Variants in DGKB observed in about 807,000 individuals in gnomAD.
The protein encoded by DGKB is diacylglycerol kinase beta.
DGKB carries 67 observed loss-of-function variants against 114.3 expected under a neutral mutation model. The observed-to-expected ratio is 0.59, with a 90% CI of 0.48 to 0.72. DGKB has a LOEUF of 0.72. Among genes scored for constraint, DGKB ranks in the 30% least tolerant of loss-of-function variants. The probability of loss-of-function intolerance (pLI) is 0.00; values close to 1 mark genes in which losing one functional copy is unlikely to be tolerated. For synonymous variants in DGKB, 398 were observed against 323.1 expected, an observed-to-expected ratio of 1.23 and a Z score of -2.49; for missense variants, 907 against 975.2, an observed-to-expected ratio of 0.93 and a Z score of 0.93.
rs184434073 is a variant in DGKB at position 14,205,308 on chromosome 7, C to T, written c.2123-27157G>A. ...TCCTCAAAACTCTTCCAGGGAGCAG[C>T]TATGGTTCTACATTGTTCTTGAGAC... On this transcript the variant is annotated intron_variant, in intron 23 of 25. Coordinates refer to ENST00000402815, the MANE Select transcript of DGKB (RefSeq NM_001350709.2). Among the ~76,000 whole-genome samples the T allele has an allele frequency of 1.3e-4, 19 of 151,960 alleles. No individual in the cohort carries two copies. In the East Asian group the frequency reaches 3.7e-3, roughly 30 times the overall value.
At chr7:14,546,840 G>T (rs573786063) in intron 20 of DGKB, among the ~76,000 whole-genome samples, 2 of 152,256 alleles carry the variant, frequency 1.3e-5, no homozygotes, top group South Asian at 4.1e-4. Context: ...AGTGAATATA[G>T]TCTCATTTCA....
chr7:14,697,078 T>A (rs1321676921), intron 8 of DGKB, among the ~76,000 whole-genome samples: 1 of 152,208 alleles, frequency 6.6e-6, no homozygotes, highest in Non-Finnish European at 1.5e-5. Flanking sequence ...CTTATCAACT[T>A]TCCCCAAAAT....
chr7:14,405,484 T>C (rs1413086095), intron 21 of DGKB, among the ~76,000 whole-genome samples: 4 of 152,074 alleles, frequency 2.6e-5, no homozygotes, highest in Admixed American at 2.6e-4. Context: ...TTAAATGAGA[T>C]AGGCTTCTTA....
chr7:14,639,941 G>C (rs1811431940), intron 13 of DGKB, among the ~76,000 whole-genome samples: 1 of 152,140 alleles, frequency 6.6e-6, no homozygotes, highest in Non-Finnish European at 1.5e-5. Context: ...GGGTTGAGAA[G>C]GAAGAGAGGA....
intron 1 of DGKB, among the ~76,000 whole-genome samples, chr7:14,930,123 T>C (rs1264378182): frequency 6.6e-6 from 1 of 152,198 alleles, no homozygotes; most frequent in African/African-American, 2.4e-5. Context: ...TTTGTTACTA[T>C]AGCCCTATAG....
intron 5 of DGKB, among the ~76,000 whole-genome samples, chr7:14,722,328 A>T (rs1207946982): frequency 6.6e-6 from 1 of 152,136 alleles, no homozygotes; most frequent in Non-Finnish European, 1.5e-5. Context: ...CCATAGTGTC[A>T]TAGAGCTGAA....
intron 16 of DGKB, among the ~76,000 whole-genome samples, chr7:14,608,506 G>T (rs1490057594): frequency 1.3e-5 from 2 of 151,988 alleles, no homozygotes; most frequent in Admixed American, 6.6e-5. Flanking sequence ...AAAGCTGGAA[G>T]AATTCCCCTT....
intron 23 of DGKB, among the ~76,000 whole-genome samples, chr7:14,201,090 T>A (rs1785794374): frequency 6.6e-6 from 1 of 151,996 alleles, no homozygotes; most frequent in Non-Finnish European, 1.5e-5. Context: ...ACAATGTATT[T>A]CTCACAGTTC....
intron 13 of DGKB, among the ~76,000 whole-genome samples, chr7:14,653,522 G>A (rs924681667): frequency 5.9e-5 from 9 of 152,040 alleles, no homozygotes; most frequent in Non-Finnish European, 1.2e-4. Flanking sequence ...GGGGTAGGGG[G>A]GAGGGATAGC....
chr7:14,734,477 A>C (rs1030772254), intron 5 of DGKB, among the ~76,000 whole-genome samples: 1 of 152,164 alleles, frequency 6.6e-6, no homozygotes, highest in Admixed American at 6.5e-5. Context: ...TTAAGATATT[A>C]TTTGCTTTTC....
intron 21 of DGKB, among the ~76,000 whole-genome samples, chr7:14,366,816 T>C (rs964272940): frequency 6.6e-6 from 1 of 151,782 alleles, no homozygotes; most frequent in Admixed American, 6.6e-5. Context: ...TCTTCAAAGA[T>C]TTTCTCTGCA....
intron 21 of DGKB, among the ~76,000 whole-genome samples, chr7:14,470,336 A>G (rs898467811): frequency 6.6e-6 from 1 of 151,906 alleles, no homozygotes; most frequent in Non-Finnish European, 1.5e-5. Flanking sequence ...TGACATATAC[A>G]CAAGGTAGAA....
intron 23 of DGKB, among the ~76,000 whole-genome samples, chr7:14,298,104 C>A (rs966146967): frequency 6.6e-6 from 1 of 152,106 alleles, no homozygotes; most frequent in African/African-American, 2.4e-5. Flanking sequence ...TAGGAAGAAT[C>A]AATATTGTGA....
chr7:14,570,559 T>G (rs547695104), intron 20 of DGKB, among the ~76,000 whole-genome samples: 8 of 152,276 alleles, frequency 5.3e-5, no homozygotes, highest in African/African-American at 1.4e-4. Flanking sequence ...TTTTGTATGT[T>G]ATGCATATTA....
chr7:14,548,834 A>C (rs1178170702), intron 20 of DGKB, among the ~76,000 whole-genome samples: 1 of 152,084 alleles, frequency 6.6e-6, no homozygotes, highest in African/African-American at 2.4e-5. Context: ...GGACTATATA[A>C]ATAAAAACAG....
intron 15 of DGKB, among the ~76,000 whole-genome samples, chr7:14,617,225 A>G (rs939012792): frequency 2.0e-5 from 3 of 151,494 alleles, no homozygotes; most frequent in African/African-American, 7.3e-5. Context: ...TGATATTTTT[A>G]TTTGGATATC....
chr7:14,504,574 G>A (rs1186954595), intron 20 of DGKB, among the ~76,000 whole-genome samples: 3 of 152,204 alleles, frequency 2.0e-5, no homozygotes, highest in African/African-American at 7.2e-5. Context: ...GATTACTAAT[G>A]CACTGTAAAA....
chr7:14,523,837 T>G (rs1790186702), intron 20 of DGKB, among the ~76,000 whole-genome samples: 1 of 152,166 alleles, frequency 6.6e-6, no homozygotes, highest in Non-Finnish European at 1.5e-5. Flanking sequence ...CTCTATTACT[T>G]AATAGCTATG....
At chr7:14,262,542 A>G (rs1173232737) in intron 23 of DGKB, among the ~76,000 whole-genome samples, 1 of 152,154 alleles carries the variant, frequency 6.6e-6, no homozygotes, top group Non-Finnish European at 1.5e-5. Context: ...GAAATAAATT[A>G]TGCTGTTTAA....
Sources: gnomAD v4.1 joint callset for allele counts (sites outside exome capture counted in the v4.1 genomes callset) on GRCh38, gnomAD v4.1.1 for gene constraint, MANE v1.5 for transcripts, NCBI Gene and HGNC (gene_info 2026-07-23, HGNC 2026-07-21) for gene names.